Variants in IFNG-AS1 observed in about 807,000 individuals in gnomAD.
The protein encoded by IFNG-AS1 is IFNG antisense RNA 1 (non-protein coding).
chr12:68,010,631 C>A (rs1350770916), intron 3 of IFNG-AS1, among the ~76,000 whole-genome samples: 1 of 152,082 alleles, frequency 6.6e-6, no homozygotes, highest in East Asian at 1.9e-4. Context: ...TCTTGCTGAC[C>A]ATAAAGTTGA....
chr12:67,999,351 C>T (rs923149288), intron 2 of IFNG-AS1, among the ~76,000 whole-genome samples: 1 of 152,078 alleles, frequency 6.6e-6, no homozygotes, highest in African/African-American at 2.4e-5. Flanking sequence ...TTCTAGATGA[C>T]ATTATTTAAT....
chr12:68,008,901 G>A (rs370083414), intron 3 of IFNG-AS1, among the ~76,000 whole-genome samples: 1 of 152,240 alleles, frequency 6.6e-6, no homozygotes, highest in African/African-American at 2.4e-5. Flanking sequence ...AGAAGAGGCA[G>A]TAGATTTCAG....
At chr12:68,018,140 C>A (rs1880198726) in intron 3 of IFNG-AS1, among the ~76,000 whole-genome samples, 1 of 152,106 alleles carries the variant, frequency 6.6e-6, no homozygotes, top group Non-Finnish European at 1.5e-5. Context: ...CTCCTGCTTG[C>A]ATGGGCTCAC....
intron 3 of IFNG-AS1, chr12:68,006,177 C>T (rs1486274055): frequency 1.3e-5 from 2 of 152,170 alleles, no homozygotes; most frequent in Admixed American, 6.5e-5. Context: ...GTTTGTCACA[C>T]ACTAAGGAAT....
At chr12:68,019,633 C>A (rs1458323267) in intron 3 of IFNG-AS1, among the ~76,000 whole-genome samples, 2 of 152,114 alleles carry the variant, frequency 1.3e-5, no homozygotes, top group African/African-American at 2.4e-5. Flanking sequence ...AGAGTAGGTG[C>A]CTCTAATGTC....
At chr12:67,998,748 A>G (rs938365955) in intron 2 of IFNG-AS1, among the ~76,000 whole-genome samples, 3 of 152,130 alleles carry the variant, frequency 2.0e-5, no homozygotes, top group African/African-American at 7.2e-5. Context: ...TGAGGAAGAA[A>G]AGAATGAACT....
intron 2 of IFNG-AS1, among the ~76,000 whole-genome samples, chr12:67,996,975 TTATAA>T (rs1482618292): frequency 6.6e-6 from 1 of 152,164 alleles, no homozygotes; most frequent in Non-Finnish European, 1.5e-5. Context: ...AGATAAGTTA[TTATAA>T]TATAAAATAG....
At chr12:67,992,377 ATCTT>A (rs140709113) in intron 1 of IFNG-AS1, among the ~76,000 whole-genome samples, 1 of 152,326 alleles carries the variant, frequency 6.6e-6, no homozygotes, top group African/African-American at 2.4e-5. Flanking sequence ...TGTTTAAAAG[ATCTT>A]TCTATCTCGA....
chr12:68,004,188 T>C (rs1186974197), intron 2 of IFNG-AS1, among the ~76,000 whole-genome samples: 3 of 152,178 alleles, frequency 2.0e-5, no homozygotes, highest in Admixed American at 2.0e-4. Context: ...ATAGATCTAC[T>C]CTTCCTCATA....
chr12:67,999,900 C>T (rs3014999), intron 2 of IFNG-AS1, among the ~76,000 whole-genome samples: 52,813 of 151,952 alleles, frequency 0.35, 10,045 homozygotes, highest in Middle Eastern at 0.49. Flanking sequence ...GCTAACATCA[C>T]CAATAATAAG....
intron 3 of IFNG-AS1, among the ~76,000 whole-genome samples, chr12:68,009,985 G>T (rs1249016742): frequency 6.6e-6 from 1 of 152,192 alleles, no homozygotes. Context: ...ATCTCAAGCT[G>T]ATATTTACAA....
chr12:68,018,377 G>C, intron 3 of IFNG-AS1, among the ~76,000 whole-genome samples: 1 of 152,086 alleles, frequency 6.6e-6, no homozygotes, highest in South Asian at 2.1e-4. Context: ...TACTCTCAGG[G>C]AACTCATCTC....
intron 2 of IFNG-AS1, among the ~76,000 whole-genome samples, chr12:68,005,008 T>C (rs1183022542): frequency 6.6e-6 from 1 of 152,172 alleles, no homozygotes; most frequent in Non-Finnish European, 1.5e-5. Context: ...TTCATATCCT[T>C]TCTGAGGTGA....
intron 3 of IFNG-AS1, among the ~76,000 whole-genome samples, chr12:68,010,414 G>C (rs1359355452): frequency 1.3e-5 from 2 of 152,180 alleles, no homozygotes; most frequent in Non-Finnish European, 2.9e-5. Context: ...AAATAATTCA[G>C]AGCAAAATAC....
At chr12:67,993,774 T>G (rs11176998) in intron 1 of IFNG-AS1, among the ~76,000 whole-genome samples, 31,718 of 152,156 alleles carry the variant, frequency 0.21, 3,709 homozygotes, top group East Asian at 0.48. Flanking sequence ...ATAAAGAAAT[T>G]TAATATATTC....
At chr12:68,015,729 A>G (rs1880136549) in intron 3 of IFNG-AS1, among the ~76,000 whole-genome samples, 1 of 152,204 alleles carries the variant, frequency 6.6e-6, no homozygotes, top group Non-Finnish European at 1.5e-5. Context: ...TCAACAAATA[A>G]AGGGGGAAGG....
At chr12:67,993,885 A>G (rs997679616) in intron 1 of IFNG-AS1, among the ~76,000 whole-genome samples, 1 of 152,212 alleles carries the variant, frequency 6.6e-6, no homozygotes, top group African/African-American at 2.4e-5. Context: ...CTTTCCACAT[A>G]TATTTCTTAA....
At chr12:67,997,278 G>A (rs1258654521) in intron 2 of IFNG-AS1, among the ~76,000 whole-genome samples, 4 of 152,026 alleles carry the variant, frequency 2.6e-5, no homozygotes, top group Non-Finnish European at 4.4e-5. Context: ...TAAGAGTGTA[G>A]GATGCAGGTG....
intron 3 of IFNG-AS1, among the ~76,000 whole-genome samples, chr12:68,012,412 G>A (rs1043182854): frequency 6.6e-6 from 1 of 152,174 alleles, no homozygotes; most frequent in East Asian, 1.9e-4. Flanking sequence ...AGGTCATGCA[G>A]CTGTGTTAGC....
Sources: allele counts gnomAD v4.1 joint callset (sites outside exome capture counted in the v4.1 genomes callset), GRCh38; gene constraint gnomAD v4.1.1; transcripts MANE v1.5; gene names NCBI Gene and HGNC (gene_info 2026-07-23, HGNC 2026-07-21).